PLCG2: variants seen among roughly 807,000 people sequenced by gnomAD.
PLCG2 encodes the protein 1-phosphatidylinositol 4,5-bisphosphate phosphodiesterase gamma-2.
PLCG2 carries 69 observed loss-of-function variants against 175.6 expected under a neutral mutation model. That is an observed-to-expected ratio of 0.39 (90% CI 0.32 to 0.48). The LOEUF (loss-of-function observed/expected upper bound fraction) is 0.48. Ranked by LOEUF, PLCG2 falls within the 20% of genes least tolerant of loss-of-function variation. PLCG2 has a pLI of 0.91. For synonymous variants in PLCG2, 827 were observed against 624.0 expected, an observed-to-expected ratio of 1.33 and a Z score of -4.85; for missense variants, 1,798 against 1,650.9, an observed-to-expected ratio of 1.09 and a Z score of -1.54.
chr16:81,932,093 C>A (rs1567538545), intron 25 of PLCG2, among the ~76,000 whole-genome samples: 1 of 152,150 alleles, frequency 6.6e-6, no homozygotes. Flanking sequence ...TCAGCGAGAC[C>A]CGGTTCTTTC....
intron 2 of PLCG2, among the ~76,000 whole-genome samples, chr16:81,757,589 GA>G (rs916694890): frequency 4.0e-5 from 6 of 151,784 alleles, no homozygotes; most frequent in Non-Finnish European, 8.8e-5. Context: ...CAAGAAAAAA[GA>G]AAAAAAGCTG....
chr16:81,893,812 G>A lies in PLCG2; in HGVS notation c.1072+18G>A. Reference sequence around the variant, plus strand: ...CATTGAACGTGAGTAGCTCCTTCTTGGTGGAGGTCAGGCTCGCAGCAAATT... The same window carrying A: ...CATTGAACGTGAGTAGCTCCTTCTTAGTGGAGGTCAGGCTCGCAGCAAATT... On this transcript the variant is annotated intron_variant, in intron 12 of 32. Transcript: ENST00000564138. 1 of 1,544,750 alleles carries A rather than the reference G, an allele frequency of 6.5e-7. No individual in the cohort carries two copies. Among genetic ancestry groups the A allele is most frequent in the Non-Finnish European group, 8.9e-7 (1 of 1,119,372 alleles).
chr16:81,882,103 T>TA (rs1189610622), intron 8 of PLCG2, among the ~76,000 whole-genome samples: 1 of 152,226 alleles, frequency 6.6e-6, no homozygotes, highest in Non-Finnish European at 1.5e-5. Flanking sequence ...TTTCATCTCT[T>TA]ACACTATTTG....
At chr16:81,933,702 G>A (rs1008994005) in intron 25 of PLCG2, among the ~76,000 whole-genome samples, 3 of 152,106 alleles carry the variant, frequency 2.0e-5, no homozygotes, top group Non-Finnish European at 4.4e-5. Context: ...TGCTTAGCCT[G>A]TGACGGCTAG....
At chr16:81,947,693 C>G (rs1318121144) in intron 31 of PLCG2, among the ~76,000 whole-genome samples, 2 of 152,160 alleles carry the variant, frequency 1.3e-5, no homozygotes, top group Non-Finnish European at 2.9e-5. Context: ...TACACACCTT[C>G]TGAAGAAGCC....
intron 31 of PLCG2, among the ~76,000 whole-genome samples, chr16:81,953,832 T>G (rs1911461727): frequency 6.6e-6 from 1 of 152,158 alleles, no homozygotes; most frequent in Non-Finnish European, 1.5e-5. Context: ...TGCAAATATT[T>G]TGGCACTCAG....
intron 2 of PLCG2, among the ~76,000 whole-genome samples, chr16:81,804,418 G>T (rs1911898423): frequency 6.6e-6 from 1 of 152,184 alleles, no homozygotes; most frequent in Non-Finnish European, 1.5e-5. Context: ...CATGGGGTTG[G>T]TGCTGACTAG....
Position 81,958,026 on chromosome 16 carries a change from G to C in PLCG2, c.*28G>C. 3 of 1,528,198 alleles carry C rather than the reference G, an allele frequency of 2.0e-6. No homozygotes were observed. Among genetic ancestry groups the C allele is most frequent in the Non-Finnish European group, 2.7e-6 (3 of 1,101,840 alleles). 94.7% of individuals were successfully genotyped at this position (1,528,198 alleles called of 1,614,324 possible). On this transcript the variant is annotated 3_prime_UTR_variant, in exon 33 of 33. Transcript: ENST00000564138. ...GCTGGGGTATGTGTGTAAGGGTATT[G>C]TGTGTGTGCGCATGTGTGTTTGCAT...
In PLCG2 at chr16:81,874,692, T is replaced by C. The variant is rs149931606; in HGVS notation, c.648+3757T>C. ...CTAAATCCAGGGAGTGGGTTCATGCTTATCAGCAGCCAAATGGTTTCCATC... is the reference window on the plus strand; with the variant it reads ...CTAAATCCAGGGAGTGGGTTCATGCCTATCAGCAGCCAAATGGTTTCCATC... On this transcript the variant is annotated intron_variant, in intron 7 of 32. Coordinates refer to ENST00000564138, the MANE Select transcript of PLCG2 (RefSeq NM_002661.5). 2.7e-3 allele frequency among the ~76,000 whole-genome samples: 404 copies of C among 152,308 alleles called. 6 individuals are homozygous for C. The highest frequency in any genetic ancestry group is 9.3e-3 in the African/African-American group (387 of 41,574).
At chr16:81,799,226 C>T (rs372042942) in intron 2 of PLCG2, among the ~76,000 whole-genome samples, 7 of 152,086 alleles carry the variant, frequency 4.6e-5, no homozygotes, top group African/African-American at 1.4e-4. Flanking sequence ...ACCCCTTAGC[C>T]CCCGCCACCC....
intron 5 of PLCG2, among the ~76,000 whole-genome samples, chr16:81,863,865 G>C (rs1417254590): frequency 6.6e-6 from 1 of 152,160 alleles, no homozygotes; most frequent in Non-Finnish European, 1.5e-5. Flanking sequence ...AGGGTGAGGG[G>C]GTTGCAGGTG....
rs74029311 is a variant in PLCG2 at position 81,943,128 on chromosome 16, G to A, written c.3482-3047G>A. Among the ~76,000 whole-genome samples the A allele has an allele frequency of 2.6e-3, 401 of 152,108 alleles. 3 individuals carry two copies. Among genetic ancestry groups the A allele is most frequent in the African/African-American group, 9.0e-3 (373 of 41,510 alleles). ...GGGCTACCTGATAGCCTCCCGGAATGCCATGGAGCAAACAGTCATTCCAGT... is the reference window on the plus strand; with the variant it reads ...GGGCTACCTGATAGCCTCCCGGAATACCATGGAGCAAACAGTCATTCCAGT... On this transcript the variant is annotated intron_variant, in intron 30 of 32. Coordinates refer to ENST00000564138, the MANE Select transcript of PLCG2 (RefSeq NM_002661.5).
At chr16:81,889,460 T>C (rs1416983206) in intron 10 of PLCG2, 187 bp downstream of exon 10, 2 of 523,532 alleles carry the variant, frequency 3.8e-6, no homozygotes, top group Non-Finnish European at 3.5e-6. Flanking sequence ...TAGATTACTG[T>C]AACTGTAACT....
At chr16:81,855,423 G>A (rs902177094) in intron 3 of PLCG2, among the ~76,000 whole-genome samples, 8 of 152,140 alleles carry the variant, frequency 5.3e-5, no homozygotes, top group Admixed American at 4.6e-4. Flanking sequence ...AAATAAATAC[G>A]ATTAAAATAG....
intron 1 of PLCG2, among the ~76,000 whole-genome samples, chr16:81,785,152 C>G (rs145742649): frequency 3.9e-5 from 6 of 152,148 alleles, no homozygotes; most frequent in Non-Finnish European, 1.5e-5. Context: ...AGAGTCCACG[C>G]AAGGATTCCT....
intron 2 of PLCG2, among the ~76,000 whole-genome samples, chr16:81,828,533 C>A (rs568637755): frequency 1.3e-5 from 2 of 152,098 alleles, no homozygotes; most frequent in Non-Finnish European, 2.9e-5. Context: ...CCACCGCACC[C>A]GGCCGAGAAG....
At chr16:81,780,457 C>T (rs1292621820) in intron 1 of PLCG2, among the ~76,000 whole-genome samples, 4 of 152,174 alleles carry the variant, frequency 2.6e-5, no homozygotes, top group Non-Finnish European at 4.4e-5. Context: ...GACTACAGTT[C>T]TGCGGGGAAG....
At chr16:81,789,727 A>C (rs1024356897) in intron 2 of PLCG2, among the ~76,000 whole-genome samples, 1 of 151,894 alleles carries the variant, frequency 6.6e-6, no homozygotes, top group Non-Finnish European at 1.5e-5. Flanking sequence ...TCTGGTAACT[A>C]GGCAGGTTTC....
intron 5 of PLCG2, among the ~76,000 whole-genome samples, chr16:81,860,926 G>A (rs767035268): frequency 5.3e-5 from 8 of 152,102 alleles, no homozygotes; most frequent in African/African-American, 1.4e-4. Flanking sequence ...GCAGTGAGCC[G>A]AGATCGCGCC....
Sources: allele counts gnomAD v4.1 joint callset (sites outside exome capture counted in the v4.1 genomes callset), GRCh38; gene constraint gnomAD v4.1.1; transcripts MANE v1.5; gene names NCBI Gene and HGNC (gene_info 2026-07-23, HGNC 2026-07-21).